Variants in NCAM1 observed in about 807,000 individuals in gnomAD.
The protein encoded by NCAM1 is neural cell adhesion molecule 1.
NCAM1 carries 14 observed loss-of-function variants against 109.8 expected under a neutral mutation model. The observed-to-expected ratio is 0.13, with a 90% CI of 0.08 to 0.20. The LOEUF is 0.20. Among genes scored for constraint, NCAM1 ranks in the 10% least tolerant of loss-of-function variants. The pLI is 1.00. For missense variants in NCAM1, 774 were observed against 1,109.9 expected, an observed-to-expected ratio of 0.70 and a Z score of 4.30; for synonymous variants, 418 against 442.9, an observed-to-expected ratio of 0.94 and a Z score of 0.70.
At chr11:113,124,222 A>C (rs1941086245) in intron 1 of NCAM1, among the ~76,000 whole-genome samples, 1 of 152,190 alleles carries the variant, frequency 6.6e-6, no homozygotes. Context: ...ACTGAGAAGG[A>C]GGAAGGAGGG....
intron 1 of NCAM1, among the ~76,000 whole-genome samples, chr11:113,046,877 GAAGGGAAAGGAA>G (rs1276746487): frequency 8.2e-4 from 21 of 25,582 alleles, no homozygotes; most frequent in African/African-American, 1.7e-3. Flanking sequence ...AGGAAGGAAG[GAAGGGAAAGGAA>G]GAAAGGAAGA....
rs180995333 is a variant in NCAM1, at chr11:113,079,473, C to T, written c.52+117809C>T. 5.9e-5 allele frequency among the ~76,000 whole-genome samples: 9 copies of T among 152,286 alleles called. No homozygotes were observed. The East Asian group carries it at 1.7e-3, about 29-fold the overall frequency. On this transcript the variant is annotated intron_variant, in intron 1 of 19. Transcript: ENST00000316851. Reference sequence around the variant, plus strand: ...CAAAGGAACTGGGTATGTCCCAATACTTATATCCCAGAGACAGATCCTGAA... The same window carrying T: ...CAAAGGAACTGGGTATGTCCCAATATTTATATCCCAGAGACAGATCCTGAA...
chr11:113,074,481 G>A (rs1422283260), intron 1 of NCAM1, among the ~76,000 whole-genome samples: 1 of 152,108 alleles, frequency 6.6e-6, no homozygotes, highest in Non-Finnish European at 1.5e-5. Context: ...AAAGAAAACA[G>A]TCTAAGACAG....
At chr11:113,253,940 G>C (rs1945767088) in intron 15 of NCAM1, among the ~76,000 whole-genome samples, 1 of 152,166 alleles carries the variant, frequency 6.6e-6, no homozygotes, top group African/African-American at 2.4e-5. Context: ...GAATCTTCCA[G>C]ACTAACCGGG....
intron 1 of NCAM1, among the ~76,000 whole-genome samples, chr11:113,104,265 T>C (rs1027891514): frequency 5.3e-5 from 8 of 151,276 alleles, no homozygotes; most frequent in Non-Finnish European, 1.2e-4. Flanking sequence ...CAAAGCTTTT[T>C]TTGTTTACAG....
intron 1 of NCAM1, among the ~76,000 whole-genome samples, chr11:113,027,444 G>A (rs1285671594): frequency 2.0e-5 from 3 of 152,216 alleles, no homozygotes; most frequent in Non-Finnish European, 4.4e-5. Flanking sequence ...CTCAGTACAG[G>A]TATGGAAGCT....
chr11:113,202,351 T>C (rs781916691), intron 1 of NCAM1, 28 bp from the exon 2 acceptor site: 12 of 1,591,064 alleles, frequency 7.5e-6, no homozygotes, highest in African/African-American at 1.4e-5. Context: ...TGTTTTTTGT[T>C]TTGTTTTGTT....
intron 1 of NCAM1, among the ~76,000 whole-genome samples, chr11:113,089,620 T>C (rs1377698340): frequency 6.6e-6 from 1 of 152,156 alleles, no homozygotes; most frequent in African/African-American, 2.4e-5. Context: ...CTCTCTTTCC[T>C]GACTTTAGGG....
intron 9 of NCAM1, among the ~76,000 whole-genome samples, chr11:113,222,592 A>G (rs1478238534): frequency 6.6e-6 from 1 of 152,212 alleles, no homozygotes; most frequent in Non-Finnish European, 1.5e-5. Context: ...TCCAAAAGTC[A>G]TGGACCCACT....
chr11:113,229,054 A>C (rs574144832), intron 9 of NCAM1, among the ~76,000 whole-genome samples: 1 of 152,376 alleles, frequency 6.6e-6, no homozygotes, highest in Non-Finnish European at 1.5e-5. Context: ...CACCAAAAGC[A>C]ATGGCAACAA....
Position 113,266,251 on chromosome 11 carries a change from G to A in NCAM1, c.2132-3937G>A, listed in dbSNP as rs748250282. On this transcript the variant is annotated intron_variant, in intron 17 of 19. Coordinates refer to ENST00000316851, the MANE Select transcript of NCAM1 (RefSeq NM_181351.5). The stretch of plus-strand genomic sequence containing the variant: ...TGAGAGGGAATGGGTGTTGGCTTTC[G>A]CCTTCAATACCCTGCTGCCCATTTC... 5.5e-4 allele frequency among the ~76,000 whole-genome samples: 83 copies of A among 152,208 alleles called. 1 individual carries two copies. The highest frequency in any genetic ancestry group is 9.6e-4 in the Non-Finnish European group (65 of 68,008).
At chr11:112,973,379 GTTA>G (rs1950931713) in intron 1 of NCAM1, among the ~76,000 whole-genome samples, 1 of 152,114 alleles carries the variant, frequency 6.6e-6, no homozygotes. Flanking sequence ...TTAAAGGCCT[GTTA>G]TCAAGGGCAT....
intron 1 of NCAM1, among the ~76,000 whole-genome samples, chr11:113,179,215 T>C (rs2136557412): frequency 6.6e-6 from 1 of 152,360 alleles, no homozygotes; most frequent in Admixed American, 6.5e-5. Flanking sequence ...CATATACTTT[T>C]TAATTATACA....
chr11:113,167,884 CTGT>C (rs782581341), intron 1 of NCAM1, among the ~76,000 whole-genome samples: 15 of 152,256 alleles, frequency 9.9e-5, no homozygotes, highest in South Asian at 4.1e-4. Context: ...GGGTGTATTA[CTGT>C]TGTTGTTGTT....
intron 15 of NCAM1, among the ~76,000 whole-genome samples, chr11:113,248,443 T>G (rs1945565305): frequency 6.6e-6 from 1 of 152,030 alleles, no homozygotes; most frequent in Non-Finnish European, 1.5e-5. Flanking sequence ...ATAAAATCCA[T>G]GGAGGAGAGC....
intron 1 of NCAM1, among the ~76,000 whole-genome samples, chr11:113,129,333 A>AT: frequency 6.6e-6 from 1 of 152,116 alleles, no homozygotes; most frequent in East Asian, 1.9e-4. Flanking sequence ...GTCCTGGCAG[A>AT]TTGGTTTCTA....
At chr11:113,033,616 C>T (rs1394512052) in intron 1 of NCAM1, among the ~76,000 whole-genome samples, 2 of 152,194 alleles carry the variant, frequency 1.3e-5, no homozygotes, top group Non-Finnish European at 2.9e-5. Flanking sequence ...TAAAGGTTAA[C>T]AAGCCATATG....
intron 1 of NCAM1, among the ~76,000 whole-genome samples, chr11:113,067,235 T>C (rs1440926614): frequency 6.6e-6 from 1 of 152,210 alleles, no homozygotes; most frequent in African/African-American, 2.4e-5. Flanking sequence ...TGCCAAATAC[T>C]GTAAGTTATT....
intron 1 of NCAM1, among the ~76,000 whole-genome samples, chr11:113,157,404 G>T (rs1297857214): frequency 1.3e-5 from 2 of 152,084 alleles, no homozygotes; most frequent in Non-Finnish European, 2.9e-5. Context: ...CTTTGTATTG[G>T]TTCTATTTGG....
Sources: allele counts gnomAD v4.1 joint callset (sites outside exome capture counted in the v4.1 genomes callset), GRCh38; gene constraint gnomAD v4.1.1; transcripts MANE v1.5; gene names NCBI Gene and HGNC (gene_info 2026-07-23, HGNC 2026-07-21).